Variants in SRRM3 observed in about 807,000 individuals in gnomAD.
SRRM3 encodes serine/arginine repetitive matrix 3.
In SRRM3, 27 loss-of-function variants were observed where a neutral mutation model predicts 66.2. The observed-to-expected ratio is 0.41, with a 90% confidence interval of 0.30 to 0.56. The LOEUF is 0.56. Among genes scored for constraint, SRRM3 ranks in the 20% least tolerant of loss-of-function variants. The pLI, the probability that SRRM3 is intolerant of heterozygous loss-of-function variation, is 0.32. For synonymous variants in SRRM3, 391 were observed against 414.9 expected, an observed-to-expected ratio of 0.94 and a Z score of 0.70; for missense variants, 918 against 991.9, an observed-to-expected ratio of 0.93 and a Z score of 1.00.
At chr7:76,224,157 T>C (rs1237668918) in intron 1 of SRRM3, among the ~76,000 whole-genome samples, 2 of 122,618 alleles carry the variant, frequency 1.6e-5, no homozygotes. Context: ...CACAGCTCAC[T>C]GCAAGCTCCG....
chr7:76,258,513 G>A (rs549431551), intron 3 of SRRM3, among the ~76,000 whole-genome samples: 1 of 150,464 alleles, frequency 6.6e-6, no homozygotes, highest in Admixed American at 6.6e-5. Flanking sequence ...AGGAGTTCAA[G>A]ACCAGCCTGG....
intron 1 of SRRM3, among the ~76,000 whole-genome samples, chr7:76,233,466 C>T (rs1216302132): frequency 6.6e-6 from 1 of 152,098 alleles, no homozygotes; most frequent in Non-Finnish European, 1.5e-5. Context: ...GCACTGCAGC[C>T]GAGGTGGGTG....
chr7:76,240,486 G>A (rs1490614167), intron 2 of SRRM3, among the ~76,000 whole-genome samples: 1 of 151,836 alleles, frequency 6.6e-6, no homozygotes, highest in Non-Finnish European at 1.5e-5. Context: ...CGGGTGTGGT[G>A]GCAGGTGCCT....
chr7:76,259,545 C>A (rs1801800854), intron 3 of SRRM3, among the ~76,000 whole-genome samples: 1 of 151,362 alleles, frequency 6.6e-6, no homozygotes. Context: ...CCGCTGCAAC[C>A]CAGCCTGAGC....
chr7:76,213,141 C>T (rs1800476708), intron 1 of SRRM3, among the ~76,000 whole-genome samples: 2 of 151,132 alleles, frequency 1.3e-5, no homozygotes, highest in Admixed American at 1.3e-4. Flanking sequence ...TCCCTAGTAG[C>T]TGGGATTACA....
At chr7:76,237,231 C>T (rs1186580524) in intron 2 of SRRM3, among the ~76,000 whole-genome samples, 1 of 152,162 alleles carries the variant, frequency 6.6e-6, no homozygotes, top group African/African-American at 2.4e-5. Flanking sequence ...CACAGTGAAA[C>T]CCCATCGCTA....
At chr7:76,275,675 A>G (rs1248174666) in intron 11 of SRRM3, among the ~76,000 whole-genome samples, 2 of 152,050 alleles carry the variant, frequency 1.3e-5, no homozygotes, top group African/African-American at 4.8e-5. Flanking sequence ...AGAGTAAAAC[A>G]TCTCAGGTGT....
At chr7:76,258,779 G>A (rs1369553800) in intron 3 of SRRM3, among the ~76,000 whole-genome samples, 5 of 149,962 alleles carry the variant, frequency 3.3e-5, no homozygotes, top group African/African-American at 7.3e-5. Context: ...AGAGTTCGCC[G>A]TGCGCGGTGG....
intron 1 of SRRM3, among the ~76,000 whole-genome samples, chr7:76,226,987 T>G (rs1183683174): frequency 2.0e-5 from 3 of 152,064 alleles, no homozygotes; most frequent in African/African-American, 4.8e-5. Flanking sequence ...GAAACAAGGG[T>G]GCAGAGAGGG....
chr7:76,234,240 G>A (rs1330367792), intron 1 of SRRM3, among the ~76,000 whole-genome samples: 3 of 143,758 alleles, frequency 2.1e-5, no homozygotes, highest in Non-Finnish European at 3.0e-5. Context: ...CTACTTTGGA[G>A]GGCCTAGCAT....
At chr7:76,249,955 TATTCATTC>T (rs1554606696) in intron 3 of SRRM3, among the ~76,000 whole-genome samples, 1 of 152,156 alleles carries the variant, frequency 6.6e-6, no homozygotes, top group Non-Finnish European at 1.5e-5. Flanking sequence ...GAGTTAATTA[TATTCATTC>T]ATTTGCTGTT....
chr7:76,265,860 T>A (rs868934011), intron 10 of SRRM3, among the ~76,000 whole-genome samples: 8 of 17,524 alleles, frequency 4.6e-4, no homozygotes, highest in African/African-American at 2.2e-3. Flanking sequence ...ATATATATAT[T>A]TTTTTTTTTT....
At chr7:76,214,174 C>G (rs1554602259) in intron 1 of SRRM3, among the ~76,000 whole-genome samples, 2 of 152,078 alleles carry the variant, frequency 1.3e-5, no homozygotes. Context: ...AAATCAGCCC[C>G]TTTGAGCCTG....
At chr7:76,263,875 G>GCCAAAAAAAA (rs1243393227) in intron 8 of SRRM3, among the ~76,000 whole-genome samples, 326 of 26,706 alleles carry the variant, frequency 0.012, 46 homozygotes, top group East Asian at 0.016. Flanking sequence ...TCTGTCTCAA[G>GCCAAAAAAAA]ACAAAAAAAA....
At chr7:76,226,045 G>A (rs1182865020) in intron 1 of SRRM3, among the ~76,000 whole-genome samples, 3 of 152,160 alleles carry the variant, frequency 2.0e-5, no homozygotes, top group African/African-American at 7.2e-5. Flanking sequence ...CCCCAGACCT[G>A]ACCAGGTCAC....
chr7:76,277,019 G>A (rs111237063), intron 11 of SRRM3, among the ~76,000 whole-genome samples: 11 of 152,212 alleles, frequency 7.2e-5, no homozygotes, highest in East Asian at 5.8e-4. Flanking sequence ...GCCTTAAGGC[G>A]TCACAACAAA....
intron 1 of SRRM3, among the ~76,000 whole-genome samples, chr7:76,228,790 A>C (rs967353842): frequency 7.2e-5 from 11 of 152,074 alleles, no homozygotes; most frequent in Admixed American, 5.2e-4. Context: ...TGCCCAATAA[A>C]ATTTGAAAAT....
In SRRM3 at chr7:76,265,381, C is replaced by T. The variant is rs545251939; in HGVS notation, c.743C>T (p.Pro248Leu). Residue 248 changes from proline (P) to leucine (L), a missense_variant, in exon 10 of 15, where the codon CCA (proline) becomes CTA (leucine). Transcript: ENST00000611745. ...CACGCCAGGCCTCACACAGAGTCCCCAGGCCGGAGGTCTCATCGCCATAGC... is the reference window on the plus strand; with the variant it reads ...CACGCCAGGCCTCACACAGAGTCCCTAGGCCGGAGGTCTCATCGCCATAGC... ...KEKKRPHTES[P>L]GRRSHRHSSG... 1 of 1,599,836 alleles carries T rather than the reference C, an allele frequency of 6.3e-7. No individual in the cohort carries two copies. Among genetic ancestry groups the T allele is most frequent in the Non-Finnish European group, 8.5e-7 (1 of 1,173,766 alleles).
At chr7:76,271,663 C>T (rs75174875) in intron 11 of SRRM3, among the ~76,000 whole-genome samples, 1 of 152,042 alleles carries the variant, frequency 6.6e-6, no homozygotes, top group African/African-American at 2.4e-5. Context: ...ACAACAACAA[C>T]AAAAAATAGA....
Sources: gnomAD v4.1 joint callset for allele counts (sites outside exome capture counted in the v4.1 genomes callset) on GRCh38, gnomAD v4.1.1 for gene constraint, MANE v1.5 for transcripts, NCBI Gene and HGNC (gene_info 2026-07-23, HGNC 2026-07-21) for gene names.